The following AXIN2 variants were observed in gnomAD, a reference collection of about 807,000 sequenced individuals.
AXIN2 encodes the protein axin 2.
AXIN2 carries 21 observed loss-of-function variants against 74.7 expected under a neutral mutation model. That is an observed-to-expected ratio of 0.28 (90% CI 0.20 to 0.40). The LOEUF (loss-of-function observed/expected upper bound fraction) is 0.40. Among genes scored for constraint, AXIN2 ranks in the 10% least tolerant of loss-of-function variants. The pLI is 1.00. For synonymous variants in AXIN2, 532 were observed against 454.9 expected (o/e 1.17, Z -2.16); for missense variants, 1,144 against 1,111.1 (o/e 1.03, Z -0.42).
intron 3 of AXIN2, among the ~76,000 whole-genome samples, chr17:65,546,812 T>G (rs1007838376): frequency 6.6e-6 from 1 of 152,198 alleles, no homozygotes; most frequent in Non-Finnish European, 1.5e-5. Context: ...CCTGGCTTCC[T>G]GGTTTATTCA....
Position 65,557,811 on chromosome 17 carries a change from T to C in AXIN2, c.810A>G (p.Gly270=), listed in dbSNP as rs2144581745. 6.2e-7 allele frequency: 1 copy of C among 1,614,198 alleles called. No individual in the cohort carries two copies. Among genetic ancestry groups the C allele is most frequent in the East Asian group, 2.2e-5 (1 of 44,884 alleles). The change falls in exon 2 of 11, where the codon GGA becomes GGG. Residue 270 remains glycine, a synonymous_variant. Transcript: ENST00000307078. ...SVRSTETVDS[G]YRSFKRSDPV... ...CGCCCCCGTCAAAGTCTTACCTGTATCCACTGTCAACAGTTTCCGTGGACC... is the reference window on the plus strand; with the variant it reads ...CGCCCCCGTCAAAGTCTTACCTGTACCCACTGTCAACAGTTTCCGTGGACC...
At chr17:65,536,253 G>A (rs1431417784) in intron 8 of AXIN2, 67 bp downstream of exon 8, 2 of 1,486,550 alleles carry the variant, frequency 1.3e-6, no homozygotes, top group African/African-American at 1.4e-5. Flanking sequence ...CTCCCCATTA[G>A]CCACAGACCA....
In AXIN2 at chr17:65,537,680, G is replaced by A. The variant is rs746454700; in HGVS notation, c.1356C>T (p.Cys452=). 4 of 1,556,934 alleles carry A rather than the reference G, an allele frequency of 2.6e-6. No homozygotes were observed. Among genetic ancestry groups the A allele is most frequent in the South Asian group, 1.2e-5 (1 of 85,784 alleles). Residue 452 remains cysteine (C), a synonymous_variant, in exon 6 of 11, where the codon TGC becomes TGT. Coordinates refer to ENST00000307078, the MANE Select transcript of AXIN2 (RefSeq NM_004655.4). The part of the protein sequence containing the change: ...HLSRVLKTPG[C]QSPGVGRYSP... ...TATAGCGGCCTACGCCTGGAGACTGGCAGCCAGGGGTCTTGAGGACCCTGG... is the reference window on the plus strand; with the variant it reads ...TATAGCGGCCTACGCCTGGAGACTGACAGCCAGGGGTCTTGAGGACCCTGG...
At chr17:65,550,703 C>A (rs765638325) in intron 2 of AXIN2, among the ~76,000 whole-genome samples, 1 of 152,230 alleles carries the variant, frequency 6.6e-6, no homozygotes, top group Non-Finnish European at 1.5e-5. Flanking sequence ...TATTAGTCCA[C>A]AGCAGCTGGT....
At chr17:65,545,465 G>A (rs1251366950) in intron 3 of AXIN2, among the ~76,000 whole-genome samples, 1 of 152,078 alleles carries the variant, frequency 6.6e-6, no homozygotes. Context: ...CGAGGTGGGT[G>A]GGTCACGAAG....
intron 10 of AXIN2, among the ~76,000 whole-genome samples, chr17:65,531,348 A>C (rs1177186751): frequency 1.3e-5 from 2 of 152,034 alleles, no homozygotes; most frequent in Non-Finnish European, 2.9e-5. Context: ...GACCCAGCTA[A>C]TGCAGTGGGG....
rs775884055 is a variant in AXIN2, at chr17:65,530,017, A to C, written c.2491T>G (p.Tyr831Asp). The C allele has an allele frequency of 1.9e-6, 3 of 1,614,242 alleles. No individual in the cohort carries two copies. The South Asian group carries it at 3.3e-5, about 18-fold the overall frequency. ...ACTTTGCCCAGAATCCGGCCTTCAT[A>C]CATCGGGAGCACCGTCTCATCCTCC... is the stretch of plus-strand genomic sequence containing the variant. ...IWEDETVLPMYEGRILGKVER... is the reference protein window; with the variant it reads ...IWEDETVLPMDEGRILGKVER... Residue 831 changes from tyrosine to aspartate, a missense_variant, in exon 11 of 11, where the codon TAT becomes GAT. By Grantham distance (160) the Tyr-to-Asp change is radical. Around this residue, in one of 4 missense-constraint regions of AXIN2, gnomAD observed 65 missense variants for 95.7 expected, o/e 0.68. Transcript: ENST00000307078.
rs62640027 is a variant in AXIN2 at position 65,558,014 on chromosome 17, C to A, written c.607G>T (p.Gly203Trp). Reference protein sequence around the residue: ...SDIYLEYVRSGGENTAYMSNG... With the variant: ...SDIYLEYVRSWGENTAYMSNG... ...CTCATGTAAGCTGTGTTTTCTCCCC[C>A]ACTCCTCACATATTCGAGGTATATA... Residue 203 changes from glycine to tryptophan, a missense_variant, in exon 2 of 11, where the codon GGG becomes TGG. Transcript: ENST00000307078. 1.9e-6 allele frequency: 3 copies of A among 1,614,208 alleles called. No individual in the cohort carries two copies. Among genetic ancestry groups the A allele is most frequent in the South Asian group, 2.2e-5 (2 of 91,086 alleles).
rs773766849 is a variant in AXIN2 at position 65,536,961 on chromosome 17, G to T, written c.1815C>A (p.Ala605=). The T allele has an allele frequency of 5.0e-6, 8 of 1,613,348 alleles. No homozygotes were observed. In the East Asian group the frequency reaches 1.8e-4, roughly 36 times the overall value. Residue 605 remains alanine, a synonymous_variant, in exon 7 of 11, where the codon GCC becomes GCA. Transcript: ENST00000307078. ...REGGAPGGAG[A]LQLPREEGDR... ...CTCCTTCCTCCCGGGGAAGCTGCAG[G>T]GCCCCAGCTCCGCCGGGGGCCCCTC...
chr17:65,561,109 A>G (rs547846337), intron 1 of AXIN2: 2 of 149,604 alleles, frequency 1.3e-5, no homozygotes, highest in African/African-American at 4.8e-5. Flanking sequence ...CCGGCTTTCA[A>G]CGCAGGTCCT....
At chr17:65,554,246 T>G (rs1370859663) in intron 2 of AXIN2, among the ~76,000 whole-genome samples, 1 of 150,750 alleles carries the variant, frequency 6.6e-6, no homozygotes, top group African/African-American at 2.4e-5. Flanking sequence ...TCTCCTCCTC[T>G]TCCTCTTCCT....
At chr17:65,555,753 T>A (rs1324786811) in intron 2 of AXIN2, among the ~76,000 whole-genome samples, 6 of 152,138 alleles carry the variant, frequency 3.9e-5, no homozygotes, top group African/African-American at 1.4e-4. Context: ...AGCCTTTGAA[T>A]AAGGAGTCAG....
rs765311867 is a variant in AXIN2, at chr17:65,541,412, C to G, written c.1059+43G>C. The G allele has an allele frequency of 2.8e-5, 44 of 1,545,398 alleles. No individual in the cohort carries two copies. The Middle Eastern group carries it at 1.0e-3, about 35-fold the overall frequency. On this transcript the variant is annotated intron_variant, in intron 4 of 10. Coordinates refer to ENST00000307078, the MANE Select transcript of AXIN2 (RefSeq NM_004655.4). ...CCCATTTCTTTTCTTTAGGACTCAA[C>G]ATGGCAGAAAACAGCTGTCTCCTCA... is the stretch of plus-strand genomic sequence containing the variant.
chr17:65,557,310 A>C (rs1039289043), intron 2 of AXIN2, among the ~76,000 whole-genome samples: 2 of 152,142 alleles, frequency 1.3e-5, no homozygotes, highest in Admixed American at 1.3e-4. Context: ...GCTGGCTCTT[A>C]TCTTAACAGA....
chr17:65,534,227 A>T, intron 9 of AXIN2, 148 bp from the exon 10 acceptor site: 2 of 978,862 alleles, frequency 2.0e-6, no homozygotes, highest in Non-Finnish European at 3.2e-6. Context: ...GCTGGGGCAG[A>T]GCCCCACATC....
At chr17:65,538,029 C>G (rs1231482583) in intron 5 of AXIN2, 174 bp downstream of exon 5, 1 of 1,359,380 alleles carries the variant, frequency 7.4e-7, no homozygotes, top group East Asian at 2.5e-5. Context: ...CACACGCAAC[C>G]CATGCACATG....
At chr17:65,548,938 G>T (rs1448851573) in intron 3 of AXIN2, among the ~76,000 whole-genome samples, 1 of 152,142 alleles carries the variant, frequency 6.6e-6, no homozygotes, top group Admixed American at 6.6e-5. Flanking sequence ...CTAACACAGA[G>T]TATCTAACAC....
At chr17:65,553,362 T>C (rs776080770) in intron 2 of AXIN2, among the ~76,000 whole-genome samples, 3 of 152,132 alleles carry the variant, frequency 2.0e-5, no homozygotes, top group Non-Finnish European at 4.4e-5. Context: ...CAGCCTTAAA[T>C]AGCATTCAAA....
intron 10 of AXIN2, 24 bp from the exon 11 acceptor site, chr17:65,530,126 T>G (rs2043792237): frequency 6.2e-7 from 1 of 1,613,692 alleles, no homozygotes; most frequent in Admixed American, 1.7e-5. Flanking sequence ...CCAAAAAAGC[T>G]TCTTGGTAAA....
Sources: gnomAD v4.1 joint callset for allele counts (sites outside exome capture counted in the v4.1 genomes callset) on GRCh38, gnomAD v4.1.1 for gene constraint, gnomAD v4.1.1 regional missense constraint, MANE v1.5 for transcripts, NCBI Gene and HGNC (gene_info 2026-07-23, HGNC 2026-07-21) for gene names.